The following RMDN1 variants were observed in gnomAD, a reference collection of about 807,000 sequenced individuals.
The protein encoded by RMDN1 is regulator of microtubule dynamics 1, also known as regulator of microtubule dynamics protein 1.
RMDN1 carries 48 observed loss-of-function variants against 48.9 expected under a neutral mutation model. That is an observed-to-expected ratio of 0.98 (90% CI 0.78 to 1.25). The LOEUF (loss-of-function observed/expected upper bound fraction) is 1.25, where lower values mean the gene tolerates loss of function less well. Among genes scored for constraint, RMDN1 ranks in the 50% most tolerant of loss-of-function variants. The probability of loss-of-function intolerance (pLI) is 0.00; values close to 1 mark genes in which losing one functional copy is unlikely to be tolerated. For synonymous variants in RMDN1, 148 were observed against 132.6 expected (o/e 1.12, Z -0.80); for missense variants, 418 against 373.4 (o/e 1.12, Z -0.98).
At chr8:86,505,319 GGCC>G (rs1197320106) in intron 2 of RMDN1, 6 of 464,600 alleles carry the variant, frequency 1.3e-5, no homozygotes, top group Non-Finnish European at 2.6e-5. Context: ...AGGAGGCAAT[GGCC>G]ACTTGGCATA....
intron 2 of RMDN1, among the ~76,000 whole-genome samples, chr8:86,503,385 A>AAAAC (rs1818687147): frequency 9.1e-4 from 74 of 81,072 alleles, no homozygotes; most frequent in Non-Finnish European, 1.4e-3. Context: ...AAAAAAAAAA[A>AAAAC]AAAACAAAAA....
At chr8:86,499,968 G>C (rs1817948875) in intron 2 of RMDN1, among the ~76,000 whole-genome samples, 1 of 152,122 alleles carries the variant, frequency 6.6e-6, no homozygotes, top group Admixed American at 6.5e-5. Flanking sequence ...ATGGTGCTGG[G>C]ATAACTGCCT....
intron 2 of RMDN1, chr8:86,504,048 C>T: frequency 1.2e-6 from 1 of 832,346 alleles, no homozygotes; most frequent in Non-Finnish European, 2.1e-6. Context: ...TTGGCACTCT[C>T]AACCAGCTGG....
chr8:86,507,685 G>A (rs560531051), intron 1 of RMDN1, among the ~76,000 whole-genome samples: 1 of 146,692 alleles, frequency 6.8e-6, no homozygotes, highest in Non-Finnish European at 1.5e-5. Context: ...GAAAACTTAC[G>A]GCTAACTAGT....
In RMDN1 at chr8:86,507,007, C is replaced by G. The variant is rs778449680; in HGVS notation, c.235G>C (p.Ala79Pro). ...QVISQAAVVHATAKVEEILEQ... is the reference protein window; with the variant it reads ...QVISQAAVVHPTAKVEEILEQ... ...AATTTATGCTTACCTTTGGCTGTGG[C>G]ATGAACCACAGCAGCCTGAGAGATA... Residue 79 changes from alanine to proline, a missense_variant, in exon 2 of 10, where the codon GCC (alanine) becomes CCC (proline). Ala to Pro is a conservative substitution (Grantham distance 27). Transcript: ENST00000406452. 2.5e-6 allele frequency: 4 copies of G among 1,588,640 alleles called. No individual in the cohort carries two copies. The highest frequency in any genetic ancestry group is 8.6e-7 in the Non-Finnish European group (1 of 1,156,984).
intron 2 of RMDN1, among the ~76,000 whole-genome samples, chr8:86,501,501 C>T (rs567510486): frequency 2.0e-5 from 3 of 151,960 alleles, no homozygotes; most frequent in Non-Finnish European, 4.4e-5. Flanking sequence ...GGTGAAACCT[C>T]GTCTCTACAA....
chr8:86,480,439 G>A (rs949184824), intron 5 of RMDN1, 107 bp from the exon 6 acceptor site: 2 of 544,464 alleles, frequency 3.7e-6, no homozygotes, highest in Non-Finnish European at 6.6e-6. Context: ...GCAACTGTGT[G>A]TTTCAGTTCT....
intron 6 of RMDN1, 95 bp downstream of exon 6, chr8:86,480,182 A>G (rs1814119827): frequency 1.6e-6 from 1 of 616,738 alleles, no homozygotes; most frequent in Non-Finnish European, 2.7e-6. Flanking sequence ...ATTTTAAAAT[A>G]TTTAATATCT....
At chr8:86,480,834 T>C (rs1814268922) in intron 5 of RMDN1, among the ~76,000 whole-genome samples, 1 of 110,456 alleles carries the variant, frequency 9.1e-6, no homozygotes, top group African/African-American at 3.0e-5. Flanking sequence ...TTTTAGAAAG[T>C]CTTCTTGTAT....
intron 2 of RMDN1, among the ~76,000 whole-genome samples, chr8:86,492,159 T>C (rs1816608163): frequency 6.6e-6 from 1 of 152,080 alleles, no homozygotes; most frequent in African/African-American, 2.4e-5. Context: ...AGTGAAGTGA[T>C]AAAGAACCTT....
chr8:86,480,337 C>G lies in RMDN1; in HGVS notation c.586-5G>C. 1 of 1,492,846 alleles carries G rather than the reference C, an allele frequency of 6.7e-7. No homozygotes were observed. The highest frequency in any genetic ancestry group is 9.1e-7 in the Non-Finnish European group (1 of 1,095,394). 92.5% of individuals were successfully genotyped at this position (1,492,846 alleles called of 1,614,324 possible). The stretch of plus-strand genomic sequence containing the variant: ...AGGGTTCAGTTCAATTGCTTTCTAA[C>G]AAGAAATGAGAAAAATAAATCATAT... On this transcript the variant is annotated splice_region_variant and splice_polypyrimidine_tract_variant and intron_variant, in intron 5 of 9. Coordinates refer to ENST00000406452, the MANE Select transcript of RMDN1 (RefSeq NM_016033.3).
chr8:86,508,336 G>A, intron 1 of RMDN1, 156 bp downstream of exon 1: 1 of 754,384 alleles, frequency 1.3e-6, no homozygotes. Context: ...AAAATGGAAG[G>A]GACCTGTCCG....
chr8:86,485,866 A>C (rs997443255), intron 4 of RMDN1, among the ~76,000 whole-genome samples: 2 of 152,234 alleles, frequency 1.3e-5, no homozygotes, highest in Non-Finnish European at 2.9e-5. Context: ...CAGAGTAGAG[A>C]AACAATTAAT....
At chr8:86,503,008 G>C (rs1248245577) in intron 2 of RMDN1, among the ~76,000 whole-genome samples, 1 of 152,096 alleles carries the variant, frequency 6.6e-6, no homozygotes, top group East Asian at 1.9e-4. Context: ...CATAGAGAAA[G>C]GCAGAAAATA....
intron 8 of RMDN1, among the ~76,000 whole-genome samples, chr8:86,476,434 T>A (rs951240234): frequency 6.6e-6 from 1 of 152,186 alleles, no homozygotes; most frequent in Non-Finnish European, 1.5e-5. Flanking sequence ...ACATGGTATG[T>A]CTTCTCCTGA....
At chr8:86,507,684 C>T (rs187299245) in intron 1 of RMDN1, among the ~76,000 whole-genome samples, 28 of 147,380 alleles carry the variant, frequency 1.9e-4, no homozygotes, top group Admixed American at 1.8e-3. Context: ...TGAAAACTTA[C>T]GGCTAACTAG....
intron 2 of RMDN1, among the ~76,000 whole-genome samples, chr8:86,495,462 T>C (rs1032636485): frequency 2.6e-5 from 4 of 152,050 alleles, no homozygotes; most frequent in African/African-American, 7.2e-5. Flanking sequence ...CAGTGCAGCA[T>C]TGCCATGGGT....
At chr8:86,478,734 C>A (rs146053710) in intron 7 of RMDN1, 189 bp downstream of exon 7, 2 of 559,798 alleles carry the variant, frequency 3.6e-6, no homozygotes, top group East Asian at 3.1e-5. Flanking sequence ...ACTCACCTAA[C>A]GGGGAAAAAG....
At chr8:86,507,311 C>T (rs766697791) in intron 1 of RMDN1, among the ~76,000 whole-genome samples, 199 bp from the exon 2 acceptor site, 4 of 152,080 alleles carry the variant, frequency 2.6e-5, no homozygotes, top group Non-Finnish European at 5.9e-5. Context: ...CCCCTGGAGT[C>T]GCCGCTCATC....
Sources: gnomAD v4.1 joint callset for allele counts (sites outside exome capture counted in the v4.1 genomes callset) on GRCh38, gnomAD v4.1.1 for gene constraint, MANE v1.5 for transcripts, NCBI Gene and HGNC (gene_info 2026-07-23, HGNC 2026-07-21) for gene names.